RTN4IP1: variants seen among roughly 807,000 people sequenced by gnomAD.
The protein encoded by RTN4IP1 is reticulon 4 interacting protein 1, also known as NAD(P)H oxidoreductase RTN4IP1, mitochondrial.
RTN4IP1 carries 32 observed loss-of-function variants against 46.6 expected under a neutral mutation model. The ratio of observed to expected loss-of-function variants is 0.69; its 90% CI spans 0.52 to 0.92. The LOEUF is 0.92. Ranked by LOEUF, RTN4IP1 falls within the 40% of genes least tolerant of loss-of-function variation. The pLI is 0.00. For synonymous variants in RTN4IP1, 167 were observed against 161.8 expected, an observed-to-expected ratio of 1.03 and a Z score of -0.24; for missense variants, 424 against 485.8, an observed-to-expected ratio of 0.87 and a Z score of 1.20.
chr6:106,590,014 G>C (rs1362967567), intron 6 of RTN4IP1, among the ~76,000 whole-genome samples: 1 of 152,104 alleles, frequency 6.6e-6, no homozygotes, highest in East Asian at 1.9e-4. Context: ...ACAAATTCCA[G>C]ACATGTATAA....
chr6:106,588,087 A>G (rs549481273), intron 6 of RTN4IP1, among the ~76,000 whole-genome samples: 1 of 152,310 alleles, frequency 6.6e-6, no homozygotes, highest in East Asian at 1.9e-4. Flanking sequence ...TAATGTGACT[A>G]ATTTTTGTCA....
intron 4 of RTN4IP1, among the ~76,000 whole-genome samples, chr6:106,616,980 C>G (rs1345089376): frequency 1.3e-5 from 2 of 152,072 alleles, no homozygotes; most frequent in Non-Finnish European, 2.9e-5. Context: ...GTCATGCAAG[C>G]GGAACCCTCA....
chr6:106,573,131 T>C (rs1172264051), intron 8 of RTN4IP1, among the ~76,000 whole-genome samples: 1 of 152,234 alleles, frequency 6.6e-6, no homozygotes, highest in African/African-American at 2.4e-5. Context: ...TTCACTGTAC[T>C]ATCAGTAATG....
At chr6:106,608,827 T>C (rs1367092761) in intron 4 of RTN4IP1, among the ~76,000 whole-genome samples, 1 of 152,200 alleles carries the variant, frequency 6.6e-6, no homozygotes, top group Non-Finnish European at 1.5e-5. Context: ...CAAAAATTAA[T>C]TCCCCCATGA....
intron 1 of RTN4IP1, among the ~76,000 whole-genome samples, chr6:106,628,124 G>A (rs1428605616): frequency 1.3e-5 from 2 of 151,492 alleles, no homozygotes; most frequent in Non-Finnish European, 2.9e-5. Context: ...CTATACTTCC[G>A]AAGCCTGTGA....
intron 4 of RTN4IP1, among the ~76,000 whole-genome samples, chr6:106,613,238 G>A (rs537632124): frequency 6.6e-6 from 1 of 152,054 alleles, no homozygotes; most frequent in East Asian, 1.9e-4. Flanking sequence ...AGTCACTTCT[G>A]TGTAAAGTTA....
intron 4 of RTN4IP1, among the ~76,000 whole-genome samples, chr6:106,616,360 T>C (rs2114673524): frequency 6.6e-6 from 1 of 152,296 alleles, no homozygotes; most frequent in East Asian, 1.9e-4. Context: ...AAGGTAAACA[T>C]CATTGAACCC....
chr6:106,602,744 A>G, intron 5 of RTN4IP1, 130 bp downstream of exon 5: 1 of 553,134 alleles, frequency 1.8e-6, no homozygotes, highest in Non-Finnish European at 3.1e-6. Flanking sequence ...CTCTTACAGA[A>G]CAAGCTGAAA....
intron 5 of RTN4IP1, among the ~76,000 whole-genome samples, chr6:106,598,462 T>C (rs1440536982): frequency 1.3e-5 from 2 of 150,770 alleles, no homozygotes; most frequent in African/African-American, 2.4e-5. Flanking sequence ...ATGAGCATTT[T>C]TTCATGTGTT....
intron 5 of RTN4IP1, among the ~76,000 whole-genome samples, chr6:106,593,741 T>C (rs144448002): frequency 1.3e-5 from 2 of 152,336 alleles, no homozygotes; most frequent in African/African-American, 4.8e-5. Context: ...GACCAAAGAC[T>C]TATATATCCT....
At position 106,588,881 on chromosome 6, in the gene RTN4IP1, C is replaced by T. The variant is rs150188990; in HGVS notation, c.807-1019G>A. Among the ~76,000 whole-genome samples, 2,480 of 151,800 alleles carry T rather than the reference C, an allele frequency of 0.016. 145 individuals are homozygous for T. The East Asian group carries it at 0.19, about 12-fold the overall frequency. ...ATCCCAGGACTTTGGGAGGCCGAGT[C>T]GGGTGGATCACCTGAGGTCAGGAGT... On this transcript the variant is annotated intron_variant, in intron 6 of 8. Coordinates refer to ENST00000369063, the MANE Select transcript of RTN4IP1 (RefSeq NM_032730.5).
intron 5 of RTN4IP1, among the ~76,000 whole-genome samples, chr6:106,592,555 T>C (rs914100497): frequency 9.2e-5 from 14 of 152,216 alleles, no homozygotes; most frequent in Non-Finnish European, 1.6e-4. Context: ...AGCCACCTTA[T>C]TGTCATGAAG....
intron 5 of RTN4IP1, among the ~76,000 whole-genome samples, chr6:106,594,229 G>A (rs576301601): frequency 8.7e-4 from 132 of 152,084 alleles, no homozygotes; most frequent in African/African-American, 3.0e-3. Context: ...ACCTATAGAC[G>A]GGGTGTGGTG....
intron 8 of RTN4IP1, among the ~76,000 whole-genome samples, chr6:106,576,428 G>A (rs1775229158): frequency 2.0e-5 from 3 of 152,206 alleles, no homozygotes; most frequent in Admixed American, 2.0e-4. Context: ...AAAAACCTCA[G>A]AAGCATTGAG....
chr6:106,629,375 C>A lies in RTN4IP1; in HGVS notation c.-354G>T. The A allele has an allele frequency of 1.8e-6, 1 of 556,454 alleles. No homozygotes were observed. Among genetic ancestry groups the A allele is most frequent in the Non-Finnish European group, 3.2e-6 (1 of 313,776 alleles). The allele number at this position is 556,454 out of a possible 1,614,324, so 34.5% of individuals were successfully genotyped here. The stretch of plus-strand genomic sequence containing the variant: ...CCTGCCCTGTCCTGGGAGCCCTCGG[C>A]GGGACAAGCAGACACCGCTCGCGAT... On this transcript the variant is annotated 5_prime_UTR_variant, in exon 1 of 9. Transcript: ENST00000369063.
chr6:106,628,448 A>C (rs1776712214), intron 1 of RTN4IP1, among the ~76,000 whole-genome samples: 1 of 152,010 alleles, frequency 6.6e-6, no homozygotes, highest in Non-Finnish European at 1.5e-5. Context: ...AGCCTGGGTG[A>C]CAGAGTGAGA....
At chr6:106,606,250 A>G (rs1295705735) in intron 4 of RTN4IP1, among the ~76,000 whole-genome samples, 1 of 151,882 alleles carries the variant, frequency 6.6e-6, no homozygotes, top group Non-Finnish European at 1.5e-5. Flanking sequence ...AGCAAAACCT[A>G]TCTCTACTAA....
chr6:106,600,954 T>C (rs1775931944), intron 5 of RTN4IP1, among the ~76,000 whole-genome samples: 1 of 152,150 alleles, frequency 6.6e-6, no homozygotes, highest in Non-Finnish European at 1.5e-5. Flanking sequence ...TACCTAAGAA[T>C]GGAATTGCTG....
chr6:106,621,306 A>G (rs1776480504), intron 3 of RTN4IP1, 119 bp downstream of exon 3: 1 of 727,330 alleles, frequency 1.4e-6, no homozygotes, highest in African/African-American at 1.8e-5. Context: ...ATTCTATATT[A>G]TCTTTTTATA....
Sources: gnomAD v4.1 joint callset for allele counts (sites outside exome capture counted in the v4.1 genomes callset) on GRCh38, gnomAD v4.1.1 for gene constraint, MANE v1.5 for transcripts, NCBI Gene and HGNC (gene_info 2026-07-23, HGNC 2026-07-21) for gene names.